Variants in PPP1R8 observed in about 807,000 individuals in gnomAD.
PPP1R8 encodes the protein protein phosphatase 1 regulatory subunit 8, also known as nuclear inhibitor of protein phosphatase 1.
A neutral mutation model predicts 31.3 loss-of-function variants in PPP1R8; 4 were observed. That is an observed-to-expected ratio of 0.13 (90% CI 0.06 to 0.29). The LOEUF is 0.29. Ranked by LOEUF, PPP1R8 falls within the 10% of genes least tolerant of loss-of-function variation. The pLI is 1.00. For synonymous variants in PPP1R8, 170 were observed against 169.7 expected, an observed-to-expected ratio of 1.00 and a Z score of -0.01; for missense variants, 254 against 440.1, an observed-to-expected ratio of 0.58 and a Z score of 3.78.
Position 27,850,338 on chromosome 1 carries a change from A to C in PPP1R8, c.948A>C (p.Ala316=). 1 of 1,614,204 alleles carries C rather than the reference A, an allele frequency of 6.2e-7. No homozygotes were observed. Among genetic ancestry groups the C allele is most frequent in the Non-Finnish European group, 8.5e-7 (1 of 1,180,032 alleles). Residue 316 remains alanine (A), a synonymous_variant, in exon 7 of 7, where the codon GCA becomes GCC. Coordinates refer to ENST00000311772, the MANE Select transcript of PPP1R8 (RefSeq NM_014110.5). ...VVPSAVNMNP[A]PNPAVYNPEA... is the part of the protein sequence containing the mutation. ...CGTCAGCAGTGAACATGAACCCTGCACCAAACCCTGCAGTCTATAACCCTG... is the reference window on the plus strand; with the variant it reads ...CGTCAGCAGTGAACATGAACCCTGCCCCAAACCCTGCAGTCTATAACCCTG...
rs755853514 is a variant in PPP1R8 at position 27,832,850 on chromosome 1, C to G, written c.117+34C>G. On this transcript the variant is annotated intron_variant, in intron 2 of 6. Coordinates refer to ENST00000311772, the MANE Select transcript of PPP1R8 (RefSeq NM_014110.5). ...ATACATGTCTTACTTTTTTGGCTGCCACACTAAAGATTTTTGCCAGTGACT... is the reference window on the plus strand; with the variant it reads ...ATACATGTCTTACTTTTTTGGCTGCGACACTAAAGATTTTTGCCAGTGACT... 20 of 1,556,064 alleles carry G rather than the reference C, an allele frequency of 1.3e-5. No homozygotes were observed. The Admixed American group carries it at 2.3e-4, about 18-fold the overall frequency.
At position 27,847,019 on chromosome 1, in the gene PPP1R8, T is replaced by C; in HGVS notation, c.638-9T>C. On this transcript the variant is annotated splice_polypyrimidine_tract_variant and intron_variant, in intron 5 of 6. Coordinates refer to ENST00000311772, the MANE Select transcript of PPP1R8 (RefSeq NM_014110.5). ...ACCAACCCAACCCTGCCCTCTTCTC[T>C]TTTTGCAGAGGATGTGGATCCCTCA... 1 of 1,613,666 alleles carries C rather than the reference T, an allele frequency of 6.2e-7. No homozygotes were observed.
At chr1:27,831,097 G>A (rs1435245572) in intron 1 of PPP1R8, 1 of 1,360,700 alleles carries the variant, frequency 7.3e-7, no homozygotes, top group Non-Finnish European at 9.4e-7. Context: ...GAAGAAACCC[G>A]GGGTTGGGGG....
Position 27,850,199 on chromosome 1 carries a change from C to A in PPP1R8, c.809C>A (p.Thr270Lys). Residue 270 changes from threonine to lysine, a missense_variant, in exon 7 of 7, where the codon ACA becomes AAA. Coordinates refer to ENST00000311772, the MANE Select transcript of PPP1R8 (RefSeq NM_014110.5). ...SGGLYGGLPP[T>K]HSEAGSQPHG... is the part of the protein sequence containing the mutation. Reference sequence around the variant, plus strand: ...GGACTCTACGGGGGCCTGCCCCCCACACACAGTGAAGCAGGCTCCCAGCCA... The same window carrying A: ...GGACTCTACGGGGGCCTGCCCCCCAAACACAGTGAAGCAGGCTCCCAGCCA... The A allele has an allele frequency of 6.2e-7, 1 of 1,614,216 alleles. No homozygotes were observed. The highest frequency in any genetic ancestry group is 8.5e-7 in the Non-Finnish European group (1 of 1,180,028).
chr1:27,849,411 C>CA (rs1197253196), intron 6 of PPP1R8, among the ~76,000 whole-genome samples: 2 of 150,826 alleles, frequency 1.3e-5, no homozygotes, highest in Non-Finnish European at 3.0e-5. Flanking sequence ...CAAACATGGA[C>CA]ATACCACATT....
At chr1:27,834,681 C>T (rs1352651997) in intron 2 of PPP1R8, 1 of 388,894 alleles carries the variant, frequency 2.6e-6, no homozygotes, top group Admixed American at 3.2e-5. Flanking sequence ...ACATCTAACA[C>T]ATTTCCTTGG....
At chr1:27,835,568 A>T (rs895068389) in intron 2 of PPP1R8, among the ~76,000 whole-genome samples, 1 of 152,238 alleles carries the variant, frequency 6.6e-6, no homozygotes, top group Admixed American at 6.5e-5. Context: ...CCACATATCC[A>T]AGCTAGCCTG....
intron 2 of PPP1R8, among the ~76,000 whole-genome samples, chr1:27,836,723 G>GT (rs1323478756): frequency 1.3e-5 from 2 of 151,828 alleles, no homozygotes; most frequent in Non-Finnish European, 2.9e-5. Context: ...CGGCCAGCAA[G>GT]TTTTTTATAA....
intron 1 of PPP1R8, among the ~76,000 whole-genome samples, chr1:27,831,622 G>C (rs755522413): frequency 6.6e-6 from 1 of 152,200 alleles, no homozygotes; most frequent in African/African-American, 2.4e-5. Context: ...GTCTCCCGTT[G>C]TATTGCCATC....
At chr1:27,848,983 T>G (rs999477183) in intron 6 of PPP1R8, among the ~76,000 whole-genome samples, 2 of 152,206 alleles carry the variant, frequency 1.3e-5, no homozygotes, top group South Asian at 4.1e-4. Flanking sequence ...AAAAGTTGCC[T>G]CGTAGCCCTT....
chr1:27,838,653 C>A, intron 2 of PPP1R8, 46 bp from the exon 3 acceptor site: 1 of 1,273,412 alleles, frequency 7.9e-7, no homozygotes, highest in Non-Finnish European at 1.0e-6. Flanking sequence ...TTGGTAAATG[C>A]TGTTGAAACA....
Position 27,837,425 on chromosome 1 carries a change from CAA to C in PPP1R8, c.118-1263_118-1262del, listed in dbSNP as rs1256353664. Among the ~76,000 whole-genome samples the C allele has an allele frequency of 7.1e-5, 9 of 126,894 alleles. No homozygotes were observed. In the East Asian group the frequency reaches 1.2e-3, roughly 16 times the overall value. 83.2% of individuals were successfully genotyped at this position (126,894 alleles called of 152,430 possible). On this transcript the variant is annotated intron_variant, in intron 2 of 6. Coordinates refer to ENST00000311772, the MANE Select transcript of PPP1R8 (RefSeq NM_014110.5). Reference sequence around the variant, plus strand: ...CAGCCTGGGTGACAGAGACTCGTCTCAAAAAAAAAAAAGAGTTGTTACTGTCT... The same window carrying C: ...CAGCCTGGGTGACAGAGACTCGTCTCAAAAAAAAAAGAGTTGTTACTGTCT...
At chr1:27,843,354 C>A in intron 5 of PPP1R8, 24 bp downstream of exon 5, 1 of 1,613,946 alleles carries the variant, frequency 6.2e-7, no homozygotes, top group South Asian at 1.1e-5. Context: ...CTAGTTTATT[C>A]TGATGAAAAA....
At chr1:27,849,743 C>G (rs557317699) in intron 6 of PPP1R8, among the ~76,000 whole-genome samples, 1 of 152,214 alleles carries the variant, frequency 6.6e-6, no homozygotes, top group Admixed American at 6.5e-5. Context: ...CCTAAAAGGG[C>G]ATTTTAATAT....
chr1:27,850,498 T>G lies in PPP1R8; in HGVS notation c.*52T>G. On this transcript the variant is annotated 3_prime_UTR_variant, in exon 7 of 7. Transcript: ENST00000311772. ...ATTGGGTGGGAATGGGGTGGAAGGG[T>G]GATGGGGAGCTAATGAACTAGGGAG... 1 of 1,458,802 alleles carries G rather than the reference T, an allele frequency of 6.9e-7. No homozygotes were observed. The highest frequency in any genetic ancestry group is 1.4e-5 in the African/African-American group (1 of 70,828). 90.4% of individuals were successfully genotyped at this position (1,458,802 alleles called of 1,614,324 possible).
intron 2 of PPP1R8, among the ~76,000 whole-genome samples, chr1:27,838,145 A>T (rs2089189101): frequency 6.8e-6 from 1 of 148,090 alleles, no homozygotes; most frequent in Non-Finnish European, 1.5e-5. Flanking sequence ...CAGGAGTTGG[A>T]GGTTGCAGTG....
chr1:27,831,326 C>A (rs2089103550), intron 1 of PPP1R8: 1 of 993,028 alleles, frequency 1.0e-6, no homozygotes, highest in African/African-American at 1.7e-5. Flanking sequence ...TTGCTGCATC[C>A]CTCGTGCGGC....
At chr1:27,831,676 C>T (rs897075215) in intron 1 of PPP1R8, among the ~76,000 whole-genome samples, 1 of 152,154 alleles carries the variant, frequency 6.6e-6, no homozygotes, top group Non-Finnish European at 1.5e-5. Flanking sequence ...GCTCCTAGGC[C>T]TGAGTCAGGC....
chr1:27,833,914 T>C (rs973725956), intron 2 of PPP1R8, among the ~76,000 whole-genome samples: 2 of 152,258 alleles, frequency 1.3e-5, no homozygotes, highest in Non-Finnish European at 2.9e-5. Flanking sequence ...GAATACATCA[T>C]GGACTCAGCC....
Sources: allele counts gnomAD v4.1 joint callset (sites outside exome capture counted in the v4.1 genomes callset), GRCh38; gene constraint gnomAD v4.1.1; transcripts MANE v1.5; gene names NCBI Gene and HGNC (gene_info 2026-07-23, HGNC 2026-07-21).